NCOR2: variants seen among roughly 807,000 people sequenced by gnomAD.
The protein encoded by NCOR2 is CTG repeat protein 26.
Under a neutral mutation model 262.9 loss-of-function variants are expected in NCOR2, and 81 were observed. That is an observed-to-expected ratio of 0.31 (90% CI 0.26 to 0.37). The LOEUF is 0.37. NCOR2 is among the 10% of genes least tolerant of loss of function. The pLI is 1.00. For synonymous variants in NCOR2, 1,659 were observed against 1,559.3 expected (o/e 1.06, Z -1.51); for missense variants, 3,385 against 3,621.4 (o/e 0.93, Z 1.68).
chr12:124,519,089 T>TACACACACACATTC (rs58285194), intron 1 of NCOR2, among the ~76,000 whole-genome samples: 1 of 97,268 alleles, frequency 1.0e-5, no homozygotes, highest in African/African-American at 3.5e-5. Context: ...GGCCAAATAA[T>TACACACACACATTC]ACACACACAC....
At chr12:124,564,107 T>C (rs1281107058) in intron 1 of NCOR2, among the ~76,000 whole-genome samples, 2 of 152,238 alleles carry the variant, frequency 1.3e-5, no homozygotes, top group Admixed American at 6.5e-5. Flanking sequence ...ACAGTAGGTG[T>C]TGGTTCTTAT....
chr12:124,460,116 C>T (rs1223497705), intron 5 of NCOR2, among the ~76,000 whole-genome samples: 1 of 152,224 alleles, frequency 6.6e-6, no homozygotes, highest in Non-Finnish European at 1.5e-5. Flanking sequence ...CACATGCGGT[C>T]AGGGATAAGG....
intron 1 of NCOR2, among the ~76,000 whole-genome samples, chr12:124,553,535 G>A (rs1011345669): frequency 6.6e-6 from 1 of 152,214 alleles, no homozygotes; most frequent in Non-Finnish European, 1.5e-5. Flanking sequence ...TACACAGCAT[G>A]GGTGAGCATG....
intron 16 of NCOR2, among the ~76,000 whole-genome samples, chr12:124,388,494 G>A (rs1414681959): frequency 6.6e-6 from 1 of 152,200 alleles, no homozygotes; most frequent in East Asian, 1.9e-4. Context: ...CCTGCTTCCA[G>A]GAGAGCTTCA....
At chr12:124,328,038 G>A (rs983010994) in intron 44 of NCOR2, among the ~76,000 whole-genome samples, 3 of 151,874 alleles carry the variant, frequency 2.0e-5, no homozygotes, top group Non-Finnish European at 4.4e-5. Flanking sequence ...TAAATCTCAA[G>A]TGGCCTTAAT....
chr12:124,346,460 G>T lies in NCOR2; in HGVS notation c.4359+104C>A, dbSNP rs1593150598. On this transcript the variant is annotated intron_variant, in intron 31 of 46. Coordinates refer to ENST00000405201, the Ensembl canonical transcript of NCOR2. ...CTGGGTGACTGTAAGGTACGCGAGG[G>T]CTCTCAGCCTCGGTTTCCCCATGTG... 11 of 1,245,704 alleles carry T rather than the reference G, an allele frequency of 8.8e-6. No homozygotes were observed. In the East Asian group the frequency reaches 2.8e-4, roughly 32 times the overall value. The allele number at this position is 1,245,704 out of a possible 1,614,324, so 77.2% of individuals were successfully genotyped here.
At chr12:124,442,371 C>T (rs1221516200) in intron 7 of NCOR2, among the ~76,000 whole-genome samples, 1 of 152,192 alleles carries the variant, frequency 6.6e-6, no homozygotes, top group Non-Finnish European at 1.5e-5. Context: ...AACTCCTAGC[C>T]TCAAGTGATC....
At chr12:124,347,867 G>A (rs1475075843) in exon 30 of NCOR2, 1 of 1,568,944 alleles carries the variant, frequency 6.4e-7, no homozygotes, top group Admixed American at 1.9e-5. Flanking sequence ...TCTTTGAGGT[G>A]GTGGGGGCTG....
At chr12:124,490,870 CTCTG>C (rs1296527954) in intron 1 of NCOR2, among the ~76,000 whole-genome samples, 1 of 152,390 alleles carries the variant, frequency 6.6e-6, no homozygotes, top group South Asian at 2.1e-4. Flanking sequence ...GCACAACCAA[CTCTG>C]TCTGACCCTG....
At chr12:124,374,543 A>C (rs1363121525) in intron 18 of NCOR2, 80 bp from the exon 21 acceptor site, 10 of 1,353,452 alleles carry the variant, frequency 7.4e-6, no homozygotes, top group Non-Finnish European at 1.0e-5. Context: ...CGTGGCCAAG[A>C]GGGGCCTGAA....
intron 7 of NCOR2, 101 bp from the exon 10 acceptor site, chr12:124,438,097 T>C (rs2044470286): frequency 1.1e-5 from 13 of 1,144,958 alleles, no homozygotes; most frequent in Non-Finnish European, 1.4e-5. Context: ...ATTTGCCCCG[T>C]TATTGGTTCT....
chr12:124,363,582 G>A (rs1457478347), intron 21 of NCOR2, 97 bp downstream of exon 23: 5 of 1,104,734 alleles, frequency 4.5e-6, no homozygotes, highest in Non-Finnish European at 6.0e-6. Flanking sequence ...GAGCTAGGCT[G>A]CAGGTGCATG....
At chr12:124,354,534 G>C in exon 26 of NCOR2, 5 of 1,597,872 alleles carry the variant, frequency 3.1e-6, no homozygotes, top group Non-Finnish European at 4.3e-6. Context: ...CGGTGGCCCA[G>C]CCTGGCCCCG....
intron 16 of NCOR2, among the ~76,000 whole-genome samples, chr12:124,390,357 T>C (rs1373972314): frequency 6.6e-6 from 1 of 152,150 alleles, no homozygotes; most frequent in African/African-American, 2.4e-5. Context: ...CCCAGGGCCT[T>C]TGCACCAGCT....
At chr12:124,519,013 G>A (rs1288608655) in intron 1 of NCOR2, among the ~76,000 whole-genome samples, 2 of 151,416 alleles carry the variant, frequency 1.3e-5, no homozygotes, top group African/African-American at 2.4e-5. Flanking sequence ...AAAAGAAAGC[G>A]TGACCCCCTC....
intron 11 of NCOR2, among the ~76,000 whole-genome samples, chr12:124,426,192 C>A (rs1454156984): frequency 6.6e-6 from 1 of 152,152 alleles, no homozygotes; most frequent in Non-Finnish European, 1.5e-5. Context: ...CAGAATGCGG[C>A]CTTATTTGGA....
chr12:124,531,391 G>A lies in NCOR2; in HGVS notation c.-118+4174C>T, dbSNP rs976644938. 1.3e-5 allele frequency among the ~76,000 whole-genome samples: 2 copies of A among 152,216 alleles called. No individual in the cohort carries two copies. The highest frequency in any genetic ancestry group is 2.9e-5 in the Non-Finnish European group (2 of 68,032). ...ATCCCCCGGGCCCGATTAGCGGGCG[G>A]CCGCAGGCAGACACGCTCAACTGTC... On this transcript the variant is annotated intron_variant, in intron 1 of 46. Transcript: ENST00000404621. This position sits in a 1 kb window ranked among gnomAD's most constrained non-coding sequence, Gnocchi z 4.5.
At chr12:124,458,809 T>G (rs1231969698) in intron 5 of NCOR2, among the ~76,000 whole-genome samples, 1 of 152,064 alleles carries the variant, frequency 6.6e-6, no homozygotes, top group Non-Finnish European at 1.5e-5. Flanking sequence ...GTATTTCCGG[T>G]GGATGGGGGC....
rs1300327162 is a variant in NCOR2 at position 124,457,489 on chromosome 12, C to A, written c.706-327G>T. Among the ~76,000 whole-genome samples, 1 of 152,226 alleles carries A rather than the reference C, an allele frequency of 6.6e-6. No homozygotes were observed. Among genetic ancestry groups the A allele is most frequent in the Non-Finnish European group, 1.5e-5 (1 of 68,030 alleles). On this transcript the variant is annotated intron_variant, in intron 5 of 46. Transcript: ENST00000405201. This position sits in a 1 kb window ranked among gnomAD's most constrained non-coding sequence, Gnocchi z 4.0. ...CAGCGACGTGGGCACCGCTCCCCAC[C>A]AGCCCAGCCGACACTGCCAGCCCTG...
Sources: allele counts gnomAD v4.1 joint callset (sites outside exome capture counted in the v4.1 genomes callset), GRCh38; gene constraint gnomAD v4.1.1; non-coding constraint Gnocchi (gnomAD v3.1); transcripts MANE v1.5; gene names NCBI Gene and HGNC (gene_info 2026-07-23, HGNC 2026-07-21).